Variants in GRID2 observed in about 807,000 individuals in gnomAD.
The protein encoded by GRID2 is glutamate receptor ionotropic, delta-2.
A neutral mutation model predicts 114.8 loss-of-function variants in GRID2; 33 were observed. The observed-to-expected ratio is 0.29, with a 90% confidence interval of 0.22 to 0.38. The LOEUF is 0.38. Ranked by LOEUF, GRID2 falls within the 10% of genes least tolerant of loss-of-function variation. GRID2 has a pLI of 1.00. For missense variants in GRID2, 1,184 were observed against 1,257.7 expected (o/e 0.94, Z 0.89); for synonymous variants, 505 against 449.9 (o/e 1.12, Z -1.55).
intron 2 of GRID2, among the ~76,000 whole-genome samples, chr4:92,706,579 A>T (rs867255441): frequency 1.3e-5 from 2 of 152,136 alleles, no homozygotes; most frequent in South Asian, 2.1e-4. Context: ...TATGTGGGGT[A>T]AATTTTGGTT....
At chr4:93,368,609 G>T (rs1228275453) in intron 8 of GRID2, among the ~76,000 whole-genome samples, 2 of 152,050 alleles carry the variant, frequency 1.3e-5, no homozygotes, top group Non-Finnish European at 2.9e-5. Context: ...CTGTGTCCAT[G>T]TTATTTTTGA....
intron 2 of GRID2, among the ~76,000 whole-genome samples, chr4:92,941,728 A>T (rs1239532780): frequency 6.6e-6 from 1 of 152,152 alleles, no homozygotes; most frequent in African/African-American, 2.4e-5. Flanking sequence ...TTCCCTCTAC[A>T]CACTGCTTTG....
chr4:93,186,212 C>T (rs1265250368), intron 4 of GRID2, among the ~76,000 whole-genome samples: 34 of 152,186 alleles, frequency 2.2e-4, no homozygotes, highest in Non-Finnish European at 4.4e-5. Context: ...TAAACATACG[C>T]ATGCGTCTTT....
intron 4 of GRID2, among the ~76,000 whole-genome samples, chr4:93,139,442 G>T (rs556985174): frequency 6.6e-6 from 1 of 152,202 alleles, no homozygotes; most frequent in South Asian, 2.1e-4. Flanking sequence ...AAACCAGGGG[G>T]GATGATGGAG....
In GRID2 at chr4:93,772,575, C is replaced by T. The variant is rs567312895; in HGVS notation, c.*77C>T. ...AGCAACTGTAATATTGTGGGACTAA[C>T]ATGGATGTAACGTTTAAAAAAAAGA... On this transcript the variant is annotated 3_prime_UTR_variant, in exon 16 of 16. Transcript: ENST00000282020. 7 of 1,016,546 alleles carry T rather than the reference C, an allele frequency of 6.9e-6. No homozygotes were observed. The highest frequency in any genetic ancestry group is 1.0e-5 in the Non-Finnish European group (7 of 685,508). The allele number at this position is 1,016,546 out of a possible 1,614,324, so 63.0% of individuals were successfully genotyped here. A position where few individuals can be genotyped will look rare whatever the true frequency, so the allele number is the denominator to read the frequency against.
intron 1 of GRID2, among the ~76,000 whole-genome samples, chr4:92,348,044 T>G (rs776326894): frequency 2.0e-5 from 3 of 152,162 alleles, no homozygotes; most frequent in Non-Finnish European, 4.4e-5. Context: ...CAACCTCTAA[T>G]TCTTGGGCTC....
intron 14 of GRID2, among the ~76,000 whole-genome samples, chr4:93,767,409 T>C (rs1733758359): frequency 6.6e-6 from 1 of 152,186 alleles, no homozygotes. Flanking sequence ...CCATTAATAT[T>C]CATAATCATT....
At chr4:93,312,077 G>C (rs775125845) in intron 8 of GRID2, among the ~76,000 whole-genome samples, 5 of 151,996 alleles carry the variant, frequency 3.3e-5, no homozygotes, top group Non-Finnish European at 7.4e-5. Context: ...ATAAGAAAAA[G>C]GTAAATACAC....
chr4:93,686,934 AT>A (rs1312749555), intron 14 of GRID2, among the ~76,000 whole-genome samples: 2 of 151,984 alleles, frequency 1.3e-5, no homozygotes, highest in Non-Finnish European at 2.9e-5. Flanking sequence ...TATTGTAGCA[AT>A]TTGAGCACAG....
intron 2 of GRID2, among the ~76,000 whole-genome samples, chr4:93,079,997 T>A (rs1729713785): frequency 6.6e-6 from 1 of 152,176 alleles, no homozygotes; most frequent in African/African-American, 2.4e-5. Context: ...TATTTACATA[T>A]TAAGGCAAGC....
intron 2 of GRID2, among the ~76,000 whole-genome samples, chr4:92,681,434 C>T (rs1228260346): frequency 6.6e-6 from 1 of 151,964 alleles, no homozygotes; most frequent in Non-Finnish European, 1.5e-5. Context: ...CGATAGTTTG[C>T]TGAGAATGAT....
intron 14 of GRID2, among the ~76,000 whole-genome samples, chr4:93,704,633 A>G (rs1030341214): frequency 6.6e-6 from 1 of 152,148 alleles, no homozygotes. Flanking sequence ...GCCTCTGGTA[A>G]CCATCATCTT....
At chr4:93,543,706 G>GAGAT (rs1239077410) in intron 13 of GRID2, among the ~76,000 whole-genome samples, 2 of 120,220 alleles carry the variant, frequency 1.7e-5, no homozygotes, top group East Asian at 4.6e-4. Flanking sequence ...GAGTGAGTGA[G>GAGAT]AGATAGAGAG....
chr4:93,385,188 T>A (rs768093158), intron 8 of GRID2, among the ~76,000 whole-genome samples: 16 of 152,212 alleles, frequency 1.1e-4, no homozygotes, highest in Admixed American at 6.5e-4. Context: ...GGAAGAATCA[T>A]ACAGTGACCT....
At chr4:92,759,625 A>T (rs777528520) in intron 2 of GRID2, among the ~76,000 whole-genome samples, 26 of 151,784 alleles carry the variant, frequency 1.7e-4, no homozygotes, top group Non-Finnish European at 2.5e-4. Flanking sequence ...TTCTTTTCAG[A>T]TGGAGTTTCG....
intron 2 of GRID2, among the ~76,000 whole-genome samples, chr4:92,690,217 A>C (rs1242109304): frequency 5.3e-5 from 8 of 152,064 alleles, no homozygotes. Context: ...AAAAAAGAAA[A>C]AAAGTATATG....
intron 14 of GRID2, among the ~76,000 whole-genome samples, chr4:93,653,757 G>A (rs997520289): frequency 9.9e-5 from 15 of 152,062 alleles, no homozygotes; most frequent in Non-Finnish European, 1.2e-4. Flanking sequence ...CATGAAAGAT[G>A]TGGTTACTCT....
chr4:93,021,694 TATATTATGA>T (rs1204721029), intron 2 of GRID2, among the ~76,000 whole-genome samples: 1 of 145,416 alleles, frequency 6.9e-6, no homozygotes, highest in Non-Finnish European at 1.5e-5. Flanking sequence ...TTATAATATG[TATATTATGA>T]ATATTATAAT....
chr4:92,955,467 GT>G (rs1342649309), intron 2 of GRID2, among the ~76,000 whole-genome samples: 5 of 151,772 alleles, frequency 3.3e-5, no homozygotes. Context: ...GGCGTTGTTT[GT>G]TTTTTTCTTG....
Sources: gnomAD v4.1 joint callset for allele counts (sites outside exome capture counted in the v4.1 genomes callset) on GRCh38, gnomAD v4.1.1 for gene constraint, MANE v1.5 for transcripts, NCBI Gene and HGNC (gene_info 2026-07-23, HGNC 2026-07-21) for gene names.